SCD5: variants seen among roughly 807,000 people sequenced by gnomAD.
The protein encoded by SCD5 is acyl-CoA-desaturase 4.
SCD5 carries 20 observed loss-of-function variants against 30.4 expected under a neutral mutation model. The observed-to-expected ratio is 0.66, with a 90% CI of 0.46 to 0.96. SCD5 has a LOEUF of 0.96. Ranked by LOEUF, SCD5 falls within the 40% of genes least tolerant of loss-of-function variation. SCD5 has a pLI of 0.00. For synonymous variants in SCD5, 173 were observed against 176.4 expected (o/e 0.98, Z 0.16); for missense variants, 381 against 443.3 (o/e 0.86, Z 1.26).
intron 3 of SCD5, chr4:82,659,912 G>A (rs1727947163): frequency 6.6e-6 from 1 of 151,560 alleles, no homozygotes; most frequent in Non-Finnish European, 1.5e-5. Flanking sequence ...TCGGTGTGCT[G>A]TATTCAGGAG....
intron 2 of SCD5, among the ~76,000 whole-genome samples, chr4:82,701,871 G>A (rs1719850446): frequency 6.6e-6 from 1 of 152,156 alleles, no homozygotes. Flanking sequence ...GAGCGTGACA[G>A]CACAAATCTG....
At chr4:82,788,950 A>T (rs1722042796) in intron 1 of SCD5, among the ~76,000 whole-genome samples, 1 of 152,172 alleles carries the variant, frequency 6.6e-6, no homozygotes, top group Non-Finnish European at 1.5e-5. Flanking sequence ...CCCTATCTCA[A>T]GATTTTTTAT....
intron 3 of SCD5, among the ~76,000 whole-genome samples, chr4:82,654,327 T>TG (rs1481891837): frequency 6.6e-6 from 1 of 152,212 alleles, no homozygotes; most frequent in Non-Finnish European, 1.5e-5. Context: ...AGCCAATTTC[T>TG]GACAAGAATT....
intron 2 of SCD5, among the ~76,000 whole-genome samples, chr4:82,695,904 AGTC>A (rs1299998758): frequency 6.6e-6 from 1 of 152,212 alleles, no homozygotes; most frequent in Non-Finnish European, 1.5e-5. Context: ...CAGCCCTAAA[AGTC>A]AGTGTGACAC....
chr4:82,691,301 C>T (rs1443198152), intron 2 of SCD5, among the ~76,000 whole-genome samples: 1 of 152,186 alleles, frequency 6.6e-6, no homozygotes, highest in Non-Finnish European at 1.5e-5. Flanking sequence ...GTTGGGATTA[C>T]AGCTGTGAGC....
At chr4:82,675,267 C>T (rs1728412110) in intron 3 of SCD5, among the ~76,000 whole-genome samples, 1 of 152,010 alleles carries the variant, frequency 6.6e-6, no homozygotes, top group Non-Finnish European at 1.5e-5. Context: ...CTCAATTTTG[C>T]TAAATTGAAC....
intron 1 of SCD5, among the ~76,000 whole-genome samples, chr4:82,718,929 T>C (rs1720293584): frequency 5.3e-5 from 8 of 151,648 alleles, no homozygotes. Flanking sequence ...AATACAATTA[T>C]TCATTCATTC....
chr4:82,786,723 C>T (rs1387766666), intron 1 of SCD5, among the ~76,000 whole-genome samples: 6 of 144,982 alleles, frequency 4.1e-5, no homozygotes, highest in African/African-American at 1.5e-4. Context: ...ACCCAGAAGG[C>T]AGAGGTTGCA....
chr4:82,696,401 T>C (rs1181153904), intron 2 of SCD5, among the ~76,000 whole-genome samples: 1 of 152,156 alleles, frequency 6.6e-6, no homozygotes, highest in Non-Finnish European at 1.5e-5. Context: ...CAAGGACCAA[T>C]GATGAAAAAC....
intron 3 of SCD5, among the ~76,000 whole-genome samples, chr4:82,673,244 G>GA (rs140030307): frequency 0.23 from 34,903 of 151,934 alleles, 4,677 homozygotes; most frequent in East Asian, 0.4. Context: ...TAGATGATGT[G>GA]TTGTCTTTGT....
At chr4:82,667,160 A>G (rs1178134364) in intron 3 of SCD5, among the ~76,000 whole-genome samples, 1 of 152,144 alleles carries the variant, frequency 6.6e-6, no homozygotes, top group African/African-American at 2.4e-5. Flanking sequence ...GGTTCCAGAA[A>G]TTTGAGCAAC....
intron 3 of SCD5, among the ~76,000 whole-genome samples, chr4:82,653,676 T>TGATAGACAGACAGATAGATAGATAGATA (rs146878462): frequency 2.0e-4 from 27 of 136,554 alleles, no homozygotes; most frequent in Admixed American, 5.2e-4. Flanking sequence ...TGAAAGTCAA[T>TGATAGACAGACAGATAGATAGATAGATA]GATAGATAGA....
At chr4:82,700,805 A>G (rs1252061987) in intron 2 of SCD5, among the ~76,000 whole-genome samples, 1 of 73,486 alleles carries the variant, frequency 1.4e-5, no homozygotes, top group East Asian at 2.7e-4. Flanking sequence ...AAAAAAAAAA[A>G]AAAAAAAAAA....
chr4:82,679,081 C>G (rs1728495491), intron 3 of SCD5, among the ~76,000 whole-genome samples: 1 of 150,992 alleles, frequency 6.6e-6, no homozygotes, highest in African/African-American at 2.4e-5. Context: ...TGCCTGTAGT[C>G]CCAGCTACTC....
At chr4:82,647,657 G>C (rs1275170644) in intron 3 of SCD5, among the ~76,000 whole-genome samples, 1 of 152,156 alleles carries the variant, frequency 6.6e-6, no homozygotes, top group Non-Finnish European at 1.5e-5. Flanking sequence ...ATCAGCTCAA[G>C]ATTGATTTGC....
chr4:82,794,650 ATT>A lies in SCD5; in HGVS notation c.232+3654_232+3655del, dbSNP rs200270294. Among the ~76,000 whole-genome samples the A allele has an allele frequency of 2.1e-3, 293 of 136,694 alleles. 1 individual carries two copies. Among genetic ancestry groups the A allele is most frequent in the African/African-American group, 6.9e-3 (257 of 37,148 alleles). 89.7% of individuals were successfully genotyped at this position (136,694 alleles called of 152,430 possible). ...TCTAGTTGGAGTTTGCATTCTGTCC[ATT>A]TTTTTTTTTTTTTTTGAGACGGAGT... On this transcript the variant is annotated intron_variant, in intron 1 of 4. Coordinates refer to ENST00000319540, the MANE Select transcript of SCD5 (RefSeq NM_001037582.3).
intron 1 of SCD5, among the ~76,000 whole-genome samples, chr4:82,713,797 A>G (rs1264359739): frequency 6.6e-6 from 1 of 152,182 alleles, no homozygotes; most frequent in East Asian, 1.9e-4. Context: ...TCCCCGATCC[A>G]TATGCGGTCC....
intron 3 of SCD5, among the ~76,000 whole-genome samples, chr4:82,650,865 T>C (rs1429012473): frequency 2.0e-5 from 3 of 151,718 alleles, no homozygotes; most frequent in African/African-American, 7.3e-5. Context: ...TATATGCATA[T>C]TTGTTAATAT....
chr4:82,690,765 T>C (rs946582455), intron 2 of SCD5, among the ~76,000 whole-genome samples: 2 of 152,252 alleles, frequency 1.3e-5, no homozygotes, highest in Non-Finnish European at 2.9e-5. Flanking sequence ...ATTCTTATCT[T>C]TCCCATATTT....
Sources: gnomAD v4.1 joint callset for allele counts (sites outside exome capture counted in the v4.1 genomes callset) on GRCh38, gnomAD v4.1.1 for gene constraint, MANE v1.5 for transcripts, NCBI Gene and HGNC (gene_info 2026-07-23, HGNC 2026-07-21) for gene names.